NKAIN2: variants seen among roughly 807,000 people sequenced by gnomAD.
The protein encoded by NKAIN2 is sodium/potassium transporting ATPase interacting 2, also known as sodium/potassium-transporting ATPase subunit beta-1-interacting protein 2.
NKAIN2 carries 14 observed loss-of-function variants against 32.6 expected under a neutral mutation model. That is an observed-to-expected ratio of 0.43 (90% CI 0.28 to 0.67). The LOEUF (loss-of-function observed/expected upper bound fraction) is 0.67, where lower values mean the gene tolerates loss of function less well. Among genes scored for constraint, NKAIN2 ranks in the 30% least tolerant of loss-of-function variants. NKAIN2 has a pLI of 0.17. For missense variants in NKAIN2, 198 were observed against 258.3 expected, an observed-to-expected ratio of 0.77 and a Z score of 1.60; for synonymous variants, 80 against 87.2, an observed-to-expected ratio of 0.92 and a Z score of 0.46.
intron 5 of NKAIN2, among the ~76,000 whole-genome samples, chr6:124,797,133 C>T (rs1780033733): frequency 7.4e-6 from 1 of 134,466 alleles, no homozygotes; most frequent in African/African-American, 2.9e-5. Context: ...AAAAGGAAGC[C>T]ATGCAGCCAC....
intron 3 of NKAIN2, among the ~76,000 whole-genome samples, chr6:124,473,838 A>G (rs1777074803): frequency 6.6e-6 from 1 of 152,192 alleles, no homozygotes; most frequent in Non-Finnish European, 1.5e-5. Flanking sequence ...CAGTTAAGCC[A>G]TGCGTCAAAA....
At chr6:123,977,583 A>G (rs1296557281) in intron 1 of NKAIN2, among the ~76,000 whole-genome samples, 1 of 152,130 alleles carries the variant, frequency 6.6e-6, no homozygotes, top group Non-Finnish European at 1.5e-5. Context: ...CAAATATGCT[A>G]ATAGGTGAGA....
chr6:124,776,633 A>G (rs1196349675), intron 4 of NKAIN2, among the ~76,000 whole-genome samples: 10 of 152,192 alleles, frequency 6.6e-5, no homozygotes, highest in Admixed American at 6.5e-4. Context: ...TATTTCTGCT[A>G]TAGTCTTGTA....
intron 4 of NKAIN2, among the ~76,000 whole-genome samples, chr6:124,752,993 A>C (rs1193268416): frequency 6.6e-6 from 1 of 152,082 alleles, no homozygotes; most frequent in East Asian, 1.9e-4. Context: ...GTGTTCAGGC[A>C]TAATTTTTAA....
intron 2 of NKAIN2, among the ~76,000 whole-genome samples, chr6:124,338,600 C>A (rs2115074133): frequency 6.6e-6 from 1 of 152,154 alleles, no homozygotes; most frequent in East Asian, 1.9e-4. Flanking sequence ...ATTCAGAACT[C>A]TAAATTTATT....
intron 3 of NKAIN2, among the ~76,000 whole-genome samples, chr6:124,538,497 A>G (rs1184324136): frequency 6.6e-6 from 1 of 151,976 alleles, no homozygotes; most frequent in Non-Finnish European, 1.5e-5. Context: ...TTGCTTATTT[A>G]TTTATTTAAT....
intron 4 of NKAIN2, among the ~76,000 whole-genome samples, chr6:124,666,024 C>T (rs913337697): frequency 6.6e-6 from 1 of 152,016 alleles, no homozygotes; most frequent in Non-Finnish European, 1.5e-5. Context: ...AGAAAATAGA[C>T]AGAATGACTA....
intron 1 of NKAIN2, among the ~76,000 whole-genome samples, chr6:124,002,621 A>G (rs769617318): frequency 1.3e-5 from 2 of 152,154 alleles, no homozygotes; most frequent in Non-Finnish European, 2.9e-5. Flanking sequence ...ACTCTATTTA[A>G]GGTAGTTGGA....
chr6:124,520,282 T>C (rs1779073258), intron 3 of NKAIN2, among the ~76,000 whole-genome samples: 1 of 152,184 alleles, frequency 6.6e-6, no homozygotes, highest in Non-Finnish European at 1.5e-5. Flanking sequence ...TTCTCAGTGA[T>C]GCGTGTGATC....
chr6:124,080,580 T>C (rs1440946546), intron 1 of NKAIN2, among the ~76,000 whole-genome samples: 1 of 152,094 alleles, frequency 6.6e-6, no homozygotes. Flanking sequence ...CTTGAGTTTA[T>C]ATTAGACCAA....
chr6:124,700,034 T>C (rs1338316621), intron 4 of NKAIN2, among the ~76,000 whole-genome samples: 5 of 152,184 alleles, frequency 3.3e-5, no homozygotes, highest in African/African-American at 9.6e-5. Context: ...TCCAGCAGAA[T>C]TCTCTGCTCA....
chr6:124,104,193 G>A (rs1393854473), intron 1 of NKAIN2, among the ~76,000 whole-genome samples: 1 of 152,110 alleles, frequency 6.6e-6, no homozygotes, highest in Non-Finnish European at 1.5e-5. Context: ...AATATGAAAC[G>A]GTGAAGAAAT....
intron 3 of NKAIN2, among the ~76,000 whole-genome samples, chr6:124,369,095 A>G (rs932414196): frequency 4.6e-5 from 7 of 152,206 alleles, no homozygotes; most frequent in African/African-American, 1.4e-4. Context: ...ACAGATAATA[A>G]CATTCCAAGA....
At chr6:124,372,338 G>T (rs1196450116) in intron 3 of NKAIN2, among the ~76,000 whole-genome samples, 1 of 152,062 alleles carries the variant, frequency 6.6e-6, no homozygotes, top group Non-Finnish European at 1.5e-5. Flanking sequence ...GGATGTGCAG[G>T]CTGTCTGTAT....
intron 1 of NKAIN2, among the ~76,000 whole-genome samples, chr6:123,847,485 C>G (rs1173736297): frequency 1.3e-5 from 2 of 152,028 alleles, no homozygotes; most frequent in East Asian, 1.9e-4. Flanking sequence ...TGTTCTGAGG[C>G]CTTTGGGAAG....
chr6:124,411,294 T>C (rs984181903), intron 3 of NKAIN2, among the ~76,000 whole-genome samples: 1 of 152,192 alleles, frequency 6.6e-6, no homozygotes, highest in East Asian at 1.9e-4. Context: ...CTTTACAATT[T>C]GGCATGTTTT....
At chr6:124,736,751 A>C (rs1776966299) in intron 4 of NKAIN2, among the ~76,000 whole-genome samples, 1 of 151,890 alleles carries the variant, frequency 6.6e-6, no homozygotes, top group African/African-American at 2.4e-5. Context: ...AGAAAAAAGG[A>C]TTCCTTTCAA....
chr6:124,128,338 A>C (rs1009087389), intron 1 of NKAIN2, among the ~76,000 whole-genome samples: 1 of 152,202 alleles, frequency 6.6e-6, no homozygotes, highest in African/African-American at 2.4e-5. Context: ...CGCTAGTCCA[A>C]CTGAGAAGCG....
intron 3 of NKAIN2, among the ~76,000 whole-genome samples, chr6:124,452,455 A>G (rs966698899): frequency 2.2e-4 from 34 of 152,182 alleles, no homozygotes; most frequent in African/African-American, 7.7e-4. Flanking sequence ...TGGATGATCA[A>G]TATAATATTA....
Sources: allele counts gnomAD v4.1 joint callset (sites outside exome capture counted in the v4.1 genomes callset), GRCh38; gene constraint gnomAD v4.1.1; transcripts MANE v1.5; gene names NCBI Gene and HGNC (gene_info 2026-07-23, HGNC 2026-07-21).